MRTFA: variants seen among roughly 807,000 people sequenced by gnomAD.
MRTFA encodes the protein myocardin-related transcription factor A.
A neutral mutation model predicts 83.5 loss-of-function variants in MRTFA; 20 were observed. The ratio of observed to expected loss-of-function variants is 0.24; its 90% confidence interval spans 0.17 to 0.35. The LOEUF is 0.35. Among genes scored for constraint, MRTFA ranks in the 10% least tolerant of loss-of-function variants. The pLI is 1.00. For missense variants in MRTFA, 1,200 were observed against 1,224.7 expected (o/e 0.98, Z 0.30); for synonymous variants, 659 against 541.2 (o/e 1.22, Z -3.02).
At chr22:40,526,082 C>A (rs140436308) in intron 3 of MRTFA, 2 of 151,974 alleles carry the variant, frequency 1.3e-5, no homozygotes, top group African/African-American at 4.8e-5. Flanking sequence ...GTGGCACAGT[C>A]ATAGCTCACT....
chr22:40,546,420 G>A (rs1005638954), intron 3 of MRTFA, among the ~76,000 whole-genome samples: 1 of 152,226 alleles, frequency 6.6e-6, no homozygotes, highest in Non-Finnish European at 1.5e-5. Flanking sequence ...AAGGTAAGTC[G>A]TAGATATCCG....
At chr22:40,464,172 G>A (rs992953400) in intron 3 of MRTFA, among the ~76,000 whole-genome samples, 5 of 151,506 alleles carry the variant, frequency 3.3e-5, no homozygotes, top group African/African-American at 9.7e-5. Flanking sequence ...GTGGTGGTGC[G>A]CGCCTGTAGT....
intron 7 of MRTFA, among the ~76,000 whole-genome samples, chr22:40,426,448 G>C (rs946670145): frequency 1.3e-5 from 2 of 152,088 alleles, no homozygotes; most frequent in African/African-American, 4.8e-5. Context: ...TTGAGCAAAT[G>C]AGCTACATTT....
At chr22:40,422,351 G>C (rs1012369814) in intron 9 of MRTFA, among the ~76,000 whole-genome samples, 1 of 152,162 alleles carries the variant, frequency 6.6e-6, no homozygotes, top group African/African-American at 2.4e-5. Context: ...GAGATGTGTA[G>C]ACAAAATACA....
At chr22:40,417,787 T>G in intron 12 of MRTFA, 1 of 402,094 alleles carries the variant, frequency 2.5e-6, no homozygotes, top group Non-Finnish European at 4.5e-6. Flanking sequence ...TTGGGGCTGC[T>G]CAGGGACCCC....
chr22:40,485,610 G>A (rs931298623), intron 3 of MRTFA, among the ~76,000 whole-genome samples: 38 of 152,156 alleles, frequency 2.5e-4, no homozygotes, highest in Admixed American at 2.5e-3. Flanking sequence ...CAAATGACAG[G>A]ATACATGAAT....
At chr22:40,444,096 C>T (rs907194186) in intron 4 of MRTFA, among the ~76,000 whole-genome samples, 3 of 152,158 alleles carry the variant, frequency 2.0e-5, no homozygotes, top group Non-Finnish European at 4.4e-5. Flanking sequence ...TGGCACCATC[C>T]CCACCTTCCC....
chr22:40,517,133 G>A (rs1282543343), intron 3 of MRTFA, among the ~76,000 whole-genome samples: 1 of 152,140 alleles, frequency 6.6e-6, no homozygotes, highest in African/African-American at 2.4e-5. Context: ...ATGTTGCCCA[G>A]GCTGTTCTAG....
In MRTFA at chr22:40,535,473, C is replaced by A. The variant is rs375531474; in HGVS notation, c.241+16633G>T. Reference sequence around the variant, plus strand: ...GTTCAAGCGATCCTCCTACCTCAGCCTCCCAAGTAGCTGGGACTACAGGCA... The same window carrying A: ...GTTCAAGCGATCCTCCTACCTCAGCATCCCAAGTAGCTGGGACTACAGGCA... On this transcript the variant is annotated intron_variant, in intron 3 of 14. Coordinates refer to ENST00000355630, the MANE Select transcript of MRTFA (RefSeq NM_020831.6). Among the ~76,000 whole-genome samples, 158 of 151,060 alleles carry A rather than the reference C, an allele frequency of 1.0e-3. 4 individuals are homozygous for A. The East Asian group carries it at 0.022, about 21-fold the overall frequency.
At chr22:40,609,558 C>T (rs1461649220) in intron 1 of MRTFA, among the ~76,000 whole-genome samples, 3 of 150,498 alleles carry the variant, frequency 2.0e-5, no homozygotes, top group South Asian at 4.2e-4. Context: ...AGGCTGGGCA[C>T]GGTGGTTCAC....
At chr22:40,477,273 C>G (rs1389391055) in intron 3 of MRTFA, among the ~76,000 whole-genome samples, 1 of 151,480 alleles carries the variant, frequency 6.6e-6, no homozygotes, top group African/African-American at 2.4e-5. Flanking sequence ...TAGCTTGAAC[C>G]CAGGAGGCAG....
chr22:40,513,683 A>G (rs1010615496), intron 3 of MRTFA, among the ~76,000 whole-genome samples: 1 of 152,086 alleles, frequency 6.6e-6, no homozygotes, highest in African/African-American at 2.4e-5. Flanking sequence ...TTTGACTTAA[A>G]TATGCCACAA....
At chr22:40,595,615 G>A (rs1448876151) in intron 1 of MRTFA, among the ~76,000 whole-genome samples, 1 of 152,076 alleles carries the variant, frequency 6.6e-6, no homozygotes, top group Non-Finnish European at 1.5e-5. Context: ...GGACAGATAA[G>A]ACAAAACAAA....
chr22:40,443,554 C>CA (rs1016302329), intron 4 of MRTFA, among the ~76,000 whole-genome samples: 4 of 147,970 alleles, frequency 2.7e-5, no homozygotes, highest in African/African-American at 7.5e-5. Flanking sequence ...TGGGTACAGA[C>CA]AAAAAAAAGC....
chr22:40,465,291 T>G (rs1355531471), intron 3 of MRTFA, among the ~76,000 whole-genome samples: 1 of 152,212 alleles, frequency 6.6e-6, no homozygotes, highest in East Asian at 1.9e-4. Context: ...CCATAGCACT[T>G]AATACATAGT....
chr22:40,552,438 A>T, intron 2 of MRTFA, 71 bp from the exon 3 acceptor site: 1 of 395,638 alleles, frequency 2.5e-6, no homozygotes, highest in East Asian at 3.6e-5. Context: ...GTCCTCACCC[A>T]AATCTCATCT....
chr22:40,596,153 T>A (rs576686312), intron 1 of MRTFA, among the ~76,000 whole-genome samples: 1 of 152,180 alleles, frequency 6.6e-6, no homozygotes, highest in East Asian at 1.9e-4. Context: ...AATGTTCTCT[T>A]TTCCCTGGCG....
intron 3 of MRTFA, among the ~76,000 whole-genome samples, chr22:40,502,169 C>A (rs1360733383): frequency 7.0e-6 from 1 of 142,010 alleles, no homozygotes; most frequent in African/African-American, 2.6e-5. Context: ...TGACCCCCCC[C>A]ACCTCCCTCC....
chr22:40,582,515 T>C (rs982765511), intron 2 of MRTFA, among the ~76,000 whole-genome samples: 2 of 152,188 alleles, frequency 1.3e-5, no homozygotes, highest in Admixed American at 6.5e-5. Context: ...CACTATGACA[T>C]ACATCAGGGT....
Sources: gnomAD v4.1 joint callset for allele counts (sites outside exome capture counted in the v4.1 genomes callset) on GRCh38, gnomAD v4.1.1 for gene constraint, MANE v1.5 for transcripts, NCBI Gene and HGNC (gene_info 2026-07-23, HGNC 2026-07-21) for gene names.